The following CEP128 variants were observed in gnomAD, a reference collection of about 807,000 sequenced individuals.
The protein encoded by CEP128 is centrosomal protein 128kDa.
Under a neutral mutation model 156.7 loss-of-function variants are expected in CEP128, and 132 were observed. The ratio of observed to expected loss-of-function variants is 0.84; its 90% CI spans 0.73 to 0.97. CEP128 has a LOEUF of 0.97. Ranked by LOEUF, CEP128 falls within the 50% of genes least tolerant of loss-of-function variation. The probability of loss-of-function intolerance (pLI) is 0.00; values close to 1 mark genes in which losing one functional copy is unlikely to be tolerated. For synonymous variants in CEP128, 469 were observed against 448.9 expected (o/e 1.04, Z -0.57); for missense variants, 1,252 against 1,281.9 (o/e 0.98, Z 0.36).
chr14:80,665,903 T>A (rs950473256), intron 19 of CEP128, among the ~76,000 whole-genome samples: 8 of 151,826 alleles, frequency 5.3e-5, no homozygotes, highest in African/African-American at 1.9e-4. Context: ...ATGACCAAAG[T>A]GTGAAAGATT....
At chr14:80,782,991 T>A (rs1901207470) in intron 15 of CEP128, among the ~76,000 whole-genome samples, 1 of 152,206 alleles carries the variant, frequency 6.6e-6, no homozygotes, top group Admixed American at 6.6e-5. Flanking sequence ...CACAATCTCA[T>A]CCAAATCCCA....
chr14:80,849,359 A>G (rs79990463), intron 9 of CEP128, among the ~76,000 whole-genome samples: 1,697 of 152,288 alleles, frequency 0.011, 84 homozygotes, highest in East Asian at 0.093. Flanking sequence ...GTTCGCCCAC[A>G]CTTTGTGGCT....
intron 13 of CEP128, among the ~76,000 whole-genome samples, chr14:80,823,238 C>T (rs1372849674): frequency 1.3e-5 from 2 of 152,220 alleles, no homozygotes; most frequent in African/African-American, 4.8e-5. Context: ...GCAATCTGGA[C>T]TTTCCAGTGA....
At chr14:80,780,893 C>T (rs184068620) in intron 15 of CEP128, among the ~76,000 whole-genome samples, 1 of 152,246 alleles carries the variant, frequency 6.6e-6, no homozygotes, top group Admixed American at 6.5e-5. Flanking sequence ...TATGAACATG[C>T]AACAAATCAA....
At chr14:80,858,441 C>A (rs1286226891) in intron 9 of CEP128, among the ~76,000 whole-genome samples, 27 of 116,502 alleles carry the variant, frequency 2.3e-4, no homozygotes, top group Non-Finnish European at 4.0e-4. Context: ...ACCATAAAAA[C>A]CCTAGAAGAA....
At chr14:80,821,608 C>CAG (rs1253341700) in intron 13 of CEP128, among the ~76,000 whole-genome samples, 1 of 63,846 alleles carries the variant, frequency 1.6e-5, no homozygotes, top group Non-Finnish European at 4.5e-5. Context: ...CATACACACA[C>CAG]ACACACACAC....
intron 19 of CEP128, among the ~76,000 whole-genome samples, chr14:80,599,060 G>A (rs951851073): frequency 6.6e-6 from 1 of 152,010 alleles, no homozygotes; most frequent in African/African-American, 2.4e-5. Flanking sequence ...TGTATTATAC[G>A]ATCTCTCTTA....
intron 19 of CEP128, among the ~76,000 whole-genome samples, chr14:80,689,080 C>T (rs1301125666): frequency 2.0e-5 from 3 of 151,928 alleles, no homozygotes; most frequent in Non-Finnish European, 2.9e-5. Flanking sequence ...TGTATCTTTA[C>T]GGCTAGGCGC....
At chr14:80,620,018 G>A (rs950715645) in intron 19 of CEP128, among the ~76,000 whole-genome samples, 8 of 151,812 alleles carry the variant, frequency 5.3e-5, no homozygotes, top group Non-Finnish European at 1.0e-4. Flanking sequence ...CCAGCTATTC[G>A]GGAGGGTGAG....
At chr14:80,944,087 G>T (rs1886268989), upstream of CEP128, among the ~76,000 whole-genome samples, 1 of 151,708 alleles carries the variant, frequency 6.6e-6, no homozygotes, top group Non-Finnish European at 1.5e-5. Context: ...CCGACAAAAT[G>T]AGTTAAACCA....
chr14:80,925,982 A>G (rs1885123002), intron 2 of CEP128, among the ~76,000 whole-genome samples: 1 of 152,140 alleles, frequency 6.6e-6, no homozygotes, highest in African/African-American at 2.4e-5. Context: ...TCCCAGAACC[A>G]AGCAGGGACA....
At chr14:80,952,787 C>T (rs181230724) in intron 2 of CEP128, among the ~76,000 whole-genome samples, 33 of 151,936 alleles carry the variant, frequency 2.2e-4, no homozygotes, top group African/African-American at 8.0e-4. Context: ...AAAGAAGATA[C>T]AAATTATCAA....
chr14:80,761,661 GC>G (rs1566899975), intron 16 of CEP128, 48 bp from the exon 17 acceptor site: 2 of 1,360,516 alleles, frequency 1.5e-6, no homozygotes, highest in East Asian at 4.6e-5. Context: ...TTAAGTGGAG[GC>G]AAGAAAATAC....
At chr14:80,878,023 C>A (rs1244987095) in intron 8 of CEP128, among the ~76,000 whole-genome samples, 1 of 152,160 alleles carries the variant, frequency 6.6e-6, no homozygotes, top group African/African-American at 2.4e-5. Flanking sequence ...CGAGGTAGTG[C>A]TCTGTCACAC....
At chr14:80,645,027 T>C (rs1894576775) in intron 19 of CEP128, among the ~76,000 whole-genome samples, 1 of 152,162 alleles carries the variant, frequency 6.6e-6, no homozygotes. Flanking sequence ...GAGACATACT[T>C]AATTCTATGT....
intron 24 of CEP128, among the ~76,000 whole-genome samples, chr14:80,504,468 A>T (rs1370247866): frequency 6.6e-6 from 1 of 152,224 alleles, no homozygotes; most frequent in Non-Finnish European, 1.5e-5. Flanking sequence ...GATATTGATG[A>T]TGACATTTAT....
intron 19 of CEP128, among the ~76,000 whole-genome samples, chr14:80,670,041 T>C (rs1171795044): frequency 6.6e-6 from 1 of 151,822 alleles, no homozygotes; most frequent in Admixed American, 6.6e-5. Flanking sequence ...GGAGGGGAGA[T>C]GCCACATATT....
intron 19 of CEP128, among the ~76,000 whole-genome samples, chr14:80,697,558 A>C (rs1457874977): frequency 6.6e-6 from 1 of 152,120 alleles, no homozygotes; most frequent in Non-Finnish European, 1.5e-5. Context: ...AAGAAGGCAT[A>C]GCAATTTCTT....
At chr14:80,644,604 A>C (rs2140811163) in intron 19 of CEP128, among the ~76,000 whole-genome samples, 1 of 152,370 alleles carries the variant, frequency 6.6e-6, no homozygotes, top group Admixed American at 6.5e-5. Flanking sequence ...ATATCAAAAA[A>C]GTGATTAGTA....
Sources: allele counts gnomAD v4.1 joint callset (sites outside exome capture counted in the v4.1 genomes callset), GRCh38; gene constraint gnomAD v4.1.1; transcripts MANE v1.5; gene names NCBI Gene and HGNC (gene_info 2026-07-23, HGNC 2026-07-21).